MARCHF1: variants seen among roughly 807,000 people sequenced by gnomAD.
The protein encoded by MARCHF1 is E3 ubiquitin-protein ligase MARCHF1.
A neutral mutation model predicts 54.2 loss-of-function variants in MARCHF1; 40 were observed. That is an observed-to-expected ratio of 0.74 (90% confidence interval 0.57 to 0.96). The LOEUF is 0.96. Among genes scored for constraint, MARCHF1 ranks in the 40% least tolerant of loss-of-function variants. MARCHF1 has a pLI of 0.00. For missense variants in MARCHF1, 586 were observed against 656.5 expected (o/e 0.89, Z 1.17); for synonymous variants, 236 against 236.3 (o/e 1.00, Z 0.01).
chr4:164,296,296 A>T (rs746839810), intron 1 of MARCHF1, among the ~76,000 whole-genome samples: 1 of 152,150 alleles, frequency 6.6e-6, no homozygotes, highest in Non-Finnish European at 1.5e-5. Context: ...GATAGCTGTT[A>T]ATTTTTTTAA....
chr4:163,578,335 T>C (rs920978940), intron 8 of MARCHF1, among the ~76,000 whole-genome samples: 1 of 152,072 alleles, frequency 6.6e-6, no homozygotes, highest in African/African-American at 2.4e-5. Flanking sequence ...TTCCCAGCAA[T>C]CATTTTCAAA....
intron 1 of MARCHF1, among the ~76,000 whole-genome samples, chr4:164,148,839 A>G (rs1428190768): frequency 6.6e-6 from 1 of 152,142 alleles, no homozygotes; most frequent in Non-Finnish European, 1.5e-5. Flanking sequence ...ATATGGACAA[A>G]GACACTAACA....
chr4:163,672,036 C>T (rs932677671), intron 5 of MARCHF1, among the ~76,000 whole-genome samples: 8 of 152,250 alleles, frequency 5.3e-5, no homozygotes, highest in Admixed American at 3.3e-4. Context: ...GATTTGTTTA[C>T]TCCAGGGTTG....
intron 1 of MARCHF1, among the ~76,000 whole-genome samples, chr4:164,114,414 TAA>T (rs1486517095): frequency 6.6e-6 from 1 of 151,848 alleles, no homozygotes; most frequent in Non-Finnish European, 1.5e-5. Flanking sequence ...ATGAATTACA[TAA>T]ACACAATTAG....
chr4:163,670,995 C>A (rs1490983904), intron 5 of MARCHF1, among the ~76,000 whole-genome samples: 3 of 152,286 alleles, frequency 2.0e-5, no homozygotes, highest in East Asian at 3.9e-4. Flanking sequence ...ACATGAAATT[C>A]ATTGATTTCA....
At chr4:163,760,444 C>A (rs995349657) in intron 4 of MARCHF1, among the ~76,000 whole-genome samples, 2 of 152,168 alleles carry the variant, frequency 1.3e-5, no homozygotes, top group Non-Finnish European at 2.9e-5. Context: ...ATTCTGTCTT[C>A]CATACATAAC....
chr4:164,194,237 AT>A (rs1187002430), intron 1 of MARCHF1, among the ~76,000 whole-genome samples: 15 of 152,130 alleles, frequency 9.9e-5, no homozygotes, highest in African/African-American at 3.6e-4. Context: ...AATTGTGTGG[AT>A]TTTTTTCTTT....
chr4:163,899,957 AT>A (rs1750902721), intron 3 of MARCHF1, among the ~76,000 whole-genome samples: 1 of 151,020 alleles, frequency 6.6e-6, no homozygotes, highest in Non-Finnish European at 1.5e-5. Context: ...GCCTTAAAGT[AT>A]TTTTCCTAAT....
chr4:164,161,063 G>A, intron 1 of MARCHF1, among the ~76,000 whole-genome samples: 1 of 152,106 alleles, frequency 6.6e-6, no homozygotes, highest in East Asian at 1.9e-4. Flanking sequence ...GTTTGGATGT[G>A]TGTCCCCTCC....
At chr4:163,950,401 T>C (rs1449975470) in intron 3 of MARCHF1, among the ~76,000 whole-genome samples, 2 of 152,090 alleles carry the variant, frequency 1.3e-5, no homozygotes, top group African/African-American at 4.8e-5. Flanking sequence ...ACAAATTTGT[T>C]CTGAAATTGA....
chr4:163,949,198 C>T (rs1001186790), intron 3 of MARCHF1, among the ~76,000 whole-genome samples: 4 of 152,220 alleles, frequency 2.6e-5, no homozygotes, highest in Non-Finnish European at 5.9e-5. Flanking sequence ...CCACTGCACA[C>T]AGCCAAGCAT....
intron 1 of MARCHF1, among the ~76,000 whole-genome samples, chr4:164,268,500 C>T (rs1381250292): frequency 6.6e-6 from 1 of 152,122 alleles, no homozygotes; most frequent in Non-Finnish European, 1.5e-5. Flanking sequence ...TTTACAGACC[C>T]TTCAGAAATT....
At chr4:164,122,990 G>A (rs1416527369) in intron 1 of MARCHF1, among the ~76,000 whole-genome samples, 2 of 152,000 alleles carry the variant, frequency 1.3e-5, no homozygotes, top group Non-Finnish European at 2.9e-5. Context: ...GAAATAAAGG[G>A]CATCCAAACT....
chr4:164,321,207 T>C (rs1318824391), intron 1 of MARCHF1, among the ~76,000 whole-genome samples: 1 of 152,162 alleles, frequency 6.6e-6, no homozygotes, highest in Non-Finnish European at 1.5e-5. Context: ...CAGCTGATGA[T>C]TTAAATAAAA....
rs373509963 is a variant in MARCHF1 at position 164,339,356 on chromosome 4, A to C, written c.-323+44514T>G. 2.5e-4 allele frequency among the ~76,000 whole-genome samples: 38 copies of C among 152,336 alleles called. 4 individuals are homozygous for C. In the East Asian group the frequency reaches 3.7e-3, roughly 15 times the overall value. On this transcript the variant is annotated intron_variant, in intron 1 of 9. Coordinates refer to ENST00000514618, the MANE Select transcript of MARCHF1 (RefSeq NM_001394959.1). ...AAAACAAGCCTTAACAAATTTAAGAAGGTTAGAATAATAATTATCTTTTCC... is the reference window on the plus strand; with the variant it reads ...AAAACAAGCCTTAACAAATTTAAGACGGTTAGAATAATAATTATCTTTTCC...
rs1459913977 is a variant in MARCHF1 at position 163,526,629 on chromosome 4, A to G, written c.*2119T>C. On this transcript the variant is annotated 3_prime_UTR_variant, in exon 10 of 10. Transcript: ENST00000514618. ...AATGGGCATTTAAGAGGAATTTAAT[A>G]TACAGTTTGTTTAAGGTCCACATGT... is the stretch of plus-strand genomic sequence containing the variant. The G allele has an allele frequency of 6.7e-6, 1 of 148,946 alleles. No individual in the cohort carries two copies. Among genetic ancestry groups the G allele is most frequent in the Non-Finnish European group, 1.5e-5 (1 of 67,602 alleles). The allele number at this position is 148,946 out of a possible 1,614,324, so 9.2% of individuals were successfully genotyped here.
At position 163,528,551 on chromosome 4, in the gene MARCHF1, C is replaced by T. The variant is rs538994577; in HGVS notation, c.*197G>A. The T allele has an allele frequency of 1.5e-4, 87 of 562,314 alleles. No homozygotes were observed. The highest frequency in any genetic ancestry group is 9.7e-4 in the African/African-American group (51 of 52,836). 34.8% of individuals were successfully genotyped at this position (562,314 alleles called of 1,614,324 possible). ...CATTTCCATATCATACTTTACTTTA[C>T]GCTATTACTTCATGGGCTCCTGGGC... On this transcript the variant is annotated 3_prime_UTR_variant, in exon 10 of 10. Coordinates refer to ENST00000514618, the MANE Select transcript of MARCHF1 (RefSeq NM_001394959.1).
Position 164,361,205 on chromosome 4 carries a change from C to A in MARCHF1, c.-323+22665G>T, listed in dbSNP as rs1049740409. 3.3e-5 allele frequency among the ~76,000 whole-genome samples: 5 copies of A among 151,986 alleles called. 1 individual carries two copies. Among genetic ancestry groups the A allele is most frequent in the Admixed American group, 2.6e-4 (4 of 15,238 alleles). On this transcript the variant is annotated intron_variant, in intron 1 of 9. Transcript: ENST00000514618. ...TGATGCTTTATTAGTTAATTCTCTC[C>A]TCTGCCCTGCTATCTTTTAAGTTTC...
At chr4:164,225,029 T>C (rs1353527871) in intron 1 of MARCHF1, among the ~76,000 whole-genome samples, 1 of 152,014 alleles carries the variant, frequency 6.6e-6, no homozygotes, top group Non-Finnish European at 1.5e-5. Flanking sequence ...CACTAAGACT[T>C]CCCTAATCCC....
Sources: allele counts gnomAD v4.1 joint callset (sites outside exome capture counted in the v4.1 genomes callset), GRCh38; gene constraint gnomAD v4.1.1; transcripts MANE v1.5; gene names NCBI Gene and HGNC (gene_info 2026-07-23, HGNC 2026-07-21).